Variants in ARHGEF16 observed in about 807,000 individuals in gnomAD.
ARHGEF16 encodes Rho guanine nucleotide exchange factor 16.
A neutral mutation model predicts 74.1 loss-of-function variants in ARHGEF16; 59 were observed. That is an observed-to-expected ratio of 0.80 (90% CI 0.65 to 0.99). ARHGEF16 has a LOEUF of 0.99. Among genes scored for constraint, ARHGEF16 ranks in the 50% least tolerant of loss-of-function variants. ARHGEF16 has a pLI of 0.00. For missense variants in ARHGEF16, 948 were observed against 986.6 expected (o/e 0.96, Z 0.52); for synonymous variants, 415 against 412.6 (o/e 1.01, Z -0.07).
intron 11 of ARHGEF16, 179 bp from the exon 12 acceptor site, chr1:3,478,245 G>C: frequency 1.1e-6 from 1 of 912,050 alleles, no homozygotes; most frequent in Non-Finnish European, 1.7e-6. Context: ...GCCGGTGATA[G>C]CCACGAGGAG....
In ARHGEF16 at chr1:3,481,072, G is replaced by A. The variant is rs1050707275; in HGVS notation, c.*485G>A. On this transcript the variant is annotated 3_prime_UTR_variant, in exon 15 of 15. Transcript: ENST00000378378. ...GGAGGGGACCCGGCAGGGAGATTTC[G>A]GTTTTGAGGTTTCTAAATACATTAA... The A allele has an allele frequency of 5.1e-5, 8 of 157,828 alleles. No homozygotes were observed. The highest frequency in any genetic ancestry group is 1.4e-4 in the African/African-American group (6 of 41,622). 9.8% of individuals were successfully genotyped at this position (157,828 alleles called of 1,614,324 possible).
intron 6 of ARHGEF16, among the ~76,000 whole-genome samples, chr1:3,472,285 T>TGGCCGC (rs1430497574): frequency 2.0e-5 from 3 of 152,238 alleles, no homozygotes; most frequent in African/African-American, 7.2e-5. Context: ...TTGGTGGCCG[T>TGGCCGC]GGCCGCCCAT....
chr1:3,454,991 G>C (rs1639233032), intron 1 of ARHGEF16, among the ~76,000 whole-genome samples, 180 bp downstream of exon 1: 1 of 152,102 alleles, frequency 6.6e-6, no homozygotes, highest in Admixed American at 6.5e-5. Context: ...GGCTCCGCCG[G>C]GGCGGGAGAG....
chr1:3,471,227 A>G (rs1052218814), intron 6 of ARHGEF16, among the ~76,000 whole-genome samples: 15 of 152,046 alleles, frequency 9.9e-5, no homozygotes, highest in African/African-American at 3.6e-4. Context: ...CCTGAGCCTC[A>G]GCCTCAATGC....
chr1:3,473,326 G>T, intron 7 of ARHGEF16, 67 bp from the exon 8 acceptor site: 1 of 1,578,026 alleles, frequency 6.3e-7, no homozygotes, highest in East Asian at 2.2e-5. Flanking sequence ...AGCTTCTGCA[G>T]GTCCTGCCTG....
intron 6 of ARHGEF16, among the ~76,000 whole-genome samples, chr1:3,469,800 G>C (rs1639654874): frequency 6.6e-6 from 1 of 152,180 alleles, no homozygotes; most frequent in South Asian, 2.1e-4. Flanking sequence ...GCCGGGCTAA[G>C]CACTGGGGCT....
chr1:3,479,238 C>T (rs116411040), intron 12 of ARHGEF16, among the ~76,000 whole-genome samples: 3,707 of 152,224 alleles, frequency 0.024, 67 homozygotes, highest in Admixed American at 0.036. Flanking sequence ...TCACAGCAAA[C>T]GGAGGGGGCA....
chr1:3,479,704 G>A, intron 13 of ARHGEF16, 108 bp from the exon 14 acceptor site: 1 of 1,560,056 alleles, frequency 6.4e-7, no homozygotes, highest in South Asian at 1.1e-5. Flanking sequence ...CTGGCAGTCG[G>A]GGGATGGGGT....
At chr1:3,478,144 G>T in intron 11 of ARHGEF16, 118 bp downstream of exon 11, 1 of 1,410,316 alleles carries the variant, frequency 7.1e-7, no homozygotes, top group Non-Finnish European at 9.8e-7. Context: ...GAGCCGAGGC[G>T]CGGCTTCCAC....
chr1:3,471,064 A>G (rs1362544020), intron 6 of ARHGEF16, among the ~76,000 whole-genome samples: 1 of 114,250 alleles, frequency 8.8e-6, no homozygotes, highest in African/African-American at 3.5e-5. Flanking sequence ...GTGCATGGAC[A>G]GGTATGTGTG....
At chr1:3,476,985 G>A (rs1355970150) in intron 10 of ARHGEF16, among the ~76,000 whole-genome samples, 9 of 152,002 alleles carry the variant, frequency 5.9e-5, no homozygotes, top group Non-Finnish European at 1.3e-4. Flanking sequence ...CCAGAGCAAG[G>A]ACCCCCTCCC....
chr1:3,458,992 AAC>A (rs1639329212), intron 1 of ARHGEF16, among the ~76,000 whole-genome samples: 1 of 152,202 alleles, frequency 6.6e-6, no homozygotes, highest in Admixed American at 6.5e-5. Flanking sequence ...ATTAGGAGAA[AAC>A]ACCAGAGCTT....
Position 3,469,442 on chromosome 1 carries a change from G to A in ARHGEF16, c.871G>A (p.Glu291Lys), listed in dbSNP as rs1639641960. 4 of 1,612,966 alleles carry A rather than the reference G, an allele frequency of 2.5e-6. No homozygotes were observed. Among genetic ancestry groups the A allele is most frequent in the Non-Finnish European group, 3.4e-6 (4 of 1,179,966 alleles). Residue 291 changes from glutamate to lysine, a missense_variant, in exon 6 of 15, where the codon GAG becomes AAG. By Grantham distance (56) the Glu-to-Lys change is moderately conservative. Coordinates refer to ENST00000378378, the MANE Select transcript of ARHGEF16 (RefSeq NM_014448.4). ...AGGCCCCTCTCCACAGGCCATGTTC[G>A]AGATCCTCACGTCGGAGTTCTCCTA... ...EERKRQEAMF[E>K]ILTSEFSYQH...
chr1:3,477,453 G>A (rs77673387), intron 10 of ARHGEF16, among the ~76,000 whole-genome samples: 3,563 of 145,438 alleles, frequency 0.024, 122 homozygotes, highest in African/African-American at 0.085. Context: ...CCCAGACGTG[G>A]AGCGTGGCCA....
At chr1:3,474,834 T>TGCCCCCCC in intron 9 of ARHGEF16, 52 bp downstream of exon 9, 1 of 1,528,028 alleles carries the variant, frequency 6.5e-7, no homozygotes, top group Non-Finnish European at 9.0e-7. Context: ...CCCGACCCTG[T>TGCCCCCCC]CCCCACCCAA....
chr1:3,460,769 CCG>C (rs770704795), intron 1 of ARHGEF16, among the ~76,000 whole-genome samples: 4 of 152,140 alleles, frequency 2.6e-5, no homozygotes, highest in Non-Finnish European at 5.9e-5. Flanking sequence ...GTTGTGTCTG[CCG>C]CTGTCCTTGA....
Position 3,458,458 on chromosome 1 carries a change from G to A in ARHGEF16, c.-20+3647G>A, listed in dbSNP as rs535102933. Reference sequence around the variant, plus strand: ...CTCCCCTTCACTGGCTCCACCAGGAGCCGACCAGCATCTCAGTGAGGAAAT... The same window carrying A: ...CTCCCCTTCACTGGCTCCACCAGGAACCGACCAGCATCTCAGTGAGGAAAT... On this transcript the variant is annotated intron_variant, in intron 1 of 14. Coordinates refer to ENST00000378378, the MANE Select transcript of ARHGEF16 (RefSeq NM_014448.4). Among the ~76,000 whole-genome samples the A allele has an allele frequency of 3.9e-4, 59 of 152,334 alleles. No homozygotes were observed. In the South Asian group the frequency reaches 0.012, roughly 31 times the overall value.
At chr1:3,469,391 G>A (rs1639640157) in intron 5 of ARHGEF16, 42 bp from the exon 6 acceptor site, 1 of 1,607,664 alleles carries the variant, frequency 6.2e-7, no homozygotes, top group Non-Finnish European at 8.5e-7. Flanking sequence ...GCACGCCCGT[G>A]TCCAGCGTCA....
intron 6 of ARHGEF16, 148 bp downstream of exon 6, chr1:3,469,741 G>T (rs1639653101): frequency 8.6e-7 from 1 of 1,168,624 alleles, no homozygotes; most frequent in African/African-American, 1.5e-5. Flanking sequence ...CTCCCGCGGA[G>T]TGTGATGACC....
Sources: allele counts gnomAD v4.1 joint callset (sites outside exome capture counted in the v4.1 genomes callset), GRCh38; gene constraint gnomAD v4.1.1; transcripts MANE v1.5; gene names NCBI Gene and HGNC (gene_info 2026-07-23, HGNC 2026-07-21).